Variants in CFAP65 observed in about 807,000 individuals in gnomAD.
The protein encoded by CFAP65 is cilia and flagella associated protein 65.
CFAP65 carries 155 observed loss-of-function variants against 208.0 expected under a neutral mutation model. The observed-to-expected ratio is 0.75, with a 90% CI of 0.65 to 0.85. The LOEUF is 0.85. Among genes scored for constraint, CFAP65 ranks in the 40% least tolerant of loss-of-function variants. The pLI is 0.00. For missense variants in CFAP65, 2,294 were observed against 2,451.3 expected (o/e 0.94, Z 1.36); for synonymous variants, 970 against 986.3 (o/e 0.98, Z 0.31).
Position 219,024,153 on chromosome 2 carries a change from G to A in CFAP65, c.2457C>T (p.Asp819=), listed in dbSNP as rs1361409624. 4.3e-6 allele frequency: 7 copies of A among 1,613,932 alleles called. No individual in the cohort carries two copies. Among genetic ancestry groups the A allele is most frequent in the East Asian group, 2.2e-5 (1 of 44,896 alleles). Residue 819 remains aspartate, a synonymous_variant, in exon 15 of 35, where the codon GAC becomes GAT. Coordinates refer to ENST00000341552, the MANE Select transcript of CFAP65 (RefSeq NM_194302.4). Reference sequence around the variant, plus strand: ...GGCCCGAAGTGGGCCGAAGGATGACGTCTGAGCCTCTCTGGGGGGCCAGGC... The same window carrying A: ...GGCCCGAAGTGGGCCGAAGGATGACATCTGAGCCTCTCTGGGGGGCCAGGC... The part of the protein sequence containing the change: ...TFSLAPQRGS[D]VILRPTSGLV...
intron 19 of CFAP65, among the ~76,000 whole-genome samples, chr2:219,020,712 G>T (rs555779233): frequency 9.2e-5 from 14 of 152,320 alleles, no homozygotes; most frequent in Non-Finnish European, 1.9e-4. Context: ...TGGAAACTGA[G>T]CACAGGGAGG....
Position 219,027,971 on chromosome 2 carries a change from G to T in CFAP65, c.1890C>A (p.Ile630=). The T allele has an allele frequency of 6.6e-7, 1 of 1,519,354 alleles. No individual in the cohort carries two copies. The highest frequency in any genetic ancestry group is 1.3e-5 in the South Asian group (1 of 75,354). 94.1% of individuals were successfully genotyped at this position (1,519,354 alleles called of 1,614,324 possible). Residue 630 remains isoleucine, a synonymous_variant, in exon 13 of 35, where the codon ATC becomes ATA. Coordinates refer to ENST00000341552, the MANE Select transcript of CFAP65 (RefSeq NM_194302.4). ...CGAAGAAGAACTCGGTCATGGGGGGGATATAAGGGTACTGCGGGGCCGGCA... is the reference window on the plus strand; with the variant it reads ...CGAAGAAGAACTCGGTCATGGGGGGTATATAAGGGTACTGCGGGGCCGGCA... ...EDMPAPQYPY[I]PPMTEFFFDG...
intron 19 of CFAP65, among the ~76,000 whole-genome samples, chr2:219,020,090 C>T (rs978027923): frequency 2.0e-5 from 3 of 151,740 alleles, no homozygotes; most frequent in African/African-American, 7.3e-5. Flanking sequence ...CAACCATCAC[C>T]ACTATCTAAT....
chr2:219,010,769 C>T, intron 25 of CFAP65, 36 bp downstream of exon 25: 1 of 1,588,132 alleles, frequency 6.3e-7, no homozygotes, highest in East Asian at 2.3e-5. Flanking sequence ...AAGCCAGCAC[C>T]ACCCCACCTC....
At chr2:219,009,626 T>C (rs1946294262) in intron 27 of CFAP65, among the ~76,000 whole-genome samples, 166 bp from the exon 28 acceptor site, 1 of 107,420 alleles carries the variant, frequency 9.3e-6, no homozygotes, top group Admixed American at 8.7e-5. Flanking sequence ...TGGAATGGGA[T>C]GGGATGGGAT....
Position 219,038,455 on chromosome 2 carries a change from G to C in CFAP65, c.277C>G (p.Leu93Val), listed in dbSNP as rs1948492173. The C allele has an allele frequency of 1.2e-6, 2 of 1,614,094 alleles. No individual in the cohort carries two copies. Among genetic ancestry groups the C allele is most frequent in the Non-Finnish European group, 8.5e-7 (1 of 1,180,038 alleles). The change falls in exon 4 of 35, where the codon CTG becomes GTG. Residue 93 changes from leucine to valine, a missense_variant. By Grantham distance (32) the Leu-to-Val change is conservative (BLOSUM62 1). Around this residue, in one of 2 missense-constraint regions of CFAP65, gnomAD observed 867 missense variants for 1,012.6 expected, o/e 0.86. Coordinates refer to ENST00000341552, the MANE Select transcript of CFAP65 (RefSeq NM_194302.4). Reference sequence around the variant, plus strand: ...GGGATGGCCACTGTGCTGGCACTCAGGCAGGATCCACCAGAGTTCACGGTG... The same window carrying C: ...GGGATGGCCACTGTGCTGGCACTCACGCAGGATCCACCAGAGTTCACGGTG... ...NHTVNSGGSC[L>V]SASTVAIPAI...
Position 219,004,905 on chromosome 2 carries a change from CTCTT to C in CFAP65, c.5052-454_5052-451del, listed in dbSNP as rs898505571. On this transcript the variant is annotated intron_variant, in intron 32 of 34. Transcript: ENST00000341552. The surrounding 1 kb of genome is among the most constrained non-coding windows in gnomAD (Gnocchi z 4.7). The stretch of plus-strand genomic sequence containing the variant: ...TTCTTTTCTCTCTCTCTCTATTTCT[CTCTT>C]TCTTTCTCTCTCTTTCTCTCCTCTT... Among the ~76,000 whole-genome samples, 38 of 151,686 alleles carry C rather than the reference CTCTT, an allele frequency of 2.5e-4. No individual in the cohort carries two copies. Among genetic ancestry groups the C allele is most frequent in the African/African-American group, 9.2e-4 (38 of 41,336 alleles).
chr2:219,018,784 T>C (rs912434751), intron 21 of CFAP65: 1 of 466,804 alleles, frequency 2.1e-6, no homozygotes, highest in Non-Finnish European at 3.9e-6. Flanking sequence ...GTCTCATTTG[T>C]TAAGTTATTA....
chr2:219,034,403 T>C (rs1948228735), intron 5 of CFAP65: 1 of 151,976 alleles, frequency 6.6e-6, no homozygotes, highest in South Asian at 2.1e-4. Flanking sequence ...AAGACAAATA[T>C]AAAAGGCAAA....
chr2:219,014,155 T>C, intron 21 of CFAP65, 111 bp from the exon 22 acceptor site: 2 of 918,676 alleles, frequency 2.2e-6, no homozygotes, highest in Non-Finnish European at 3.1e-6. Context: ...CTCCCGCACT[T>C]CATGCACCCA....
At chr2:219,006,373 A>T in intron 30 of CFAP65, 92 bp downstream of exon 30, 1 of 1,531,224 alleles carries the variant, frequency 6.5e-7, no homozygotes, top group Non-Finnish European at 9.0e-7. Context: ...CCTTTCTGGG[A>T]GTCTGGTCCA....
chr2:219,039,177 A>G, intron 2 of CFAP65, 127 bp from the exon 3 acceptor site: 1 of 783,284 alleles, frequency 1.3e-6, no homozygotes, highest in Non-Finnish European at 2.0e-6. Flanking sequence ...GATGCTATGT[A>G]TATGCCAGAT....
At chr2:219,013,069 G>A (rs1158866833) in intron 24 of CFAP65, among the ~76,000 whole-genome samples, 190 bp downstream of exon 24, 1 of 152,176 alleles carries the variant, frequency 6.6e-6, no homozygotes, top group Non-Finnish European at 1.5e-5. Context: ...CTTAGCACCA[G>A]GAACTAGGAC....
At chr2:219,027,417 C>A (rs1452394077) in intron 13 of CFAP65, 1 of 1,498,832 alleles carries the variant, frequency 6.7e-7, no homozygotes, top group Non-Finnish European at 8.9e-7. Context: ...CAGCTGAGTT[C>A]TCCCTTGGAG....
At chr2:219,012,197 A>G (rs1946536874) in intron 24 of CFAP65, among the ~76,000 whole-genome samples, 1 of 152,260 alleles carries the variant, frequency 6.6e-6, no homozygotes, top group African/African-American at 2.4e-5. Context: ...AATCTATGGT[A>G]ACTTGTTTTA....
intron 27 of CFAP65, 146 bp from the exon 28 acceptor site, chr2:219,009,606 T>C: frequency 1.8e-6 from 1 of 557,942 alleles, no homozygotes; most frequent in Non-Finnish European, 3.3e-6. Flanking sequence ...TGGGATGGGA[T>C]GGGACAAGAT....
Position 219,014,018 on chromosome 2 carries a change from C to G in CFAP65, c.3629G>C (p.Arg1210Pro), listed in dbSNP as rs774403539. 6 of 1,612,498 alleles carry G rather than the reference C, an allele frequency of 3.7e-6. No individual in the cohort carries two copies. Among genetic ancestry groups the G allele is most frequent in the Non-Finnish European group, 5.1e-6 (6 of 1,179,192 alleles). ...CTCTGCCCAGAGCTCCACGTCAATC[C>G]GCTGGTCACTTGGAAGGAGGAAGGC... ...DWAFLLPSDQ[R>P]IDVELWAEQA... Residue 1210 changes from arginine to proline, a missense_variant, in exon 22 of 35, where the codon CGG becomes CCG. Around this residue, in one of 2 missense-constraint regions of CFAP65, gnomAD observed 1,427 missense variants for 1,438.7 expected, o/e 0.99. Coordinates refer to ENST00000341552, the MANE Select transcript of CFAP65 (RefSeq NM_194302.4).
At chr2:219,034,862 G>A (rs951983807) in intron 5 of CFAP65, 1 of 152,874 alleles carries the variant, frequency 6.5e-6, no homozygotes, top group African/African-American at 2.4e-5. Flanking sequence ...TCTGACAATA[G>A]CAGTTATTGG....
rs1027194474 is a variant in CFAP65, at chr2:219,024,161, C to T, written c.2449G>A (p.Gly817Ser). Residue 817 changes from glycine to serine, a missense_variant, in exon 15 of 35, where the codon GGC (glycine) becomes AGC (serine). Physicochemically the swap from Gly to Ser is moderately conservative, Grantham distance 56. Transcript: ENST00000341552. ...LLTFSLAPQR[G>S]SDVILRPTSG... is the part of the protein sequence containing the mutation. ...GTGGGCCGAAGGATGACGTCTGAGC[C>T]TCTCTGGGGGGCCAGGCTGAAGGTC... The T allele has an allele frequency of 4.3e-6, 7 of 1,613,924 alleles. No homozygotes were observed. The Admixed American group carries it at 5.0e-5, about 12-fold the overall frequency.
Sources: gnomAD v4.1 joint callset for allele counts (sites outside exome capture counted in the v4.1 genomes callset) on GRCh38, gnomAD v4.1.1 for gene constraint, gnomAD v4.1.1 regional missense constraint, Gnocchi (gnomAD v3.1) non-coding constraint, MANE v1.5 for transcripts, NCBI Gene and HGNC (gene_info 2026-07-23, HGNC 2026-07-21) for gene names.